Variants in PPM1E observed in about 807,000 individuals in gnomAD.
PPM1E encodes protein phosphatase, Mg2+/Mn2+ dependent 1E.
Under a neutral mutation model 65.9 loss-of-function variants are expected in PPM1E, and 20 were observed. The ratio of observed to expected loss-of-function variants is 0.30; its 90% confidence interval spans 0.21 to 0.44. The LOEUF (loss-of-function observed/expected upper bound fraction) is 0.44, where lower values mean the gene tolerates loss of function less well. Ranked by LOEUF, PPM1E falls within the 20% of genes least tolerant of loss-of-function variation. The pLI, the probability that PPM1E is intolerant of heterozygous loss-of-function variation, is 1.00. For synonymous variants in PPM1E, 352 were observed against 374.9 expected (o/e 0.94, Z 0.70); for missense variants, 713 against 953.1 (o/e 0.75, Z 3.32).
chr17:58,794,510 C>T (rs2050187419), intron 1 of PPM1E, among the ~76,000 whole-genome samples: 1 of 152,144 alleles, frequency 6.6e-6, no homozygotes, highest in Admixed American at 6.6e-5. Flanking sequence ...TTTCATCACT[C>T]AGGTAATAAG....
Position 58,969,710 on chromosome 17 carries a change from C to T in PPM1E, c.955C>T (p.Gln319Ter). 1 of 1,614,118 alleles carries T rather than the reference C, an allele frequency of 6.2e-7. No individual in the cohort carries two copies. Among genetic ancestry groups the T allele is most frequent in the Non-Finnish European group, 8.5e-7 (1 of 1,179,990 alleles). The change falls in exon 4 of 7, where the codon CAG becomes TAG. Residue 319 changes from glutamine (Q) to a stop codon, truncating the protein, a stop_gained. Coordinates refer to ENST00000308249, the MANE Select transcript of PPM1E (RefSeq NM_014906.5). LOFTEE classifies it high-confidence loss of function. ...AFRVTDERFVQKAARESLRCG... is the reference protein window; with the variant it reads ...AFRVTDERFV The stretch of plus-strand genomic sequence containing the variant: ...CCGGGTCACTGATGAGCGGTTTGTG[C>T]AGAAAGCAGCCAGGGAGGTATGCCC...
At chr17:58,774,159 T>TC (rs71367625) in intron 1 of PPM1E, among the ~76,000 whole-genome samples, 26,091 of 133,580 alleles carry the variant, frequency 0.2, 2,337 homozygotes, top group Non-Finnish European at 0.22. Flanking sequence ...GGAAACTCTG[T>TC]CCCCCCCCCC....
chr17:58,974,817 G>C (rs1212119676), intron 6 of PPM1E, among the ~76,000 whole-genome samples: 1 of 152,092 alleles, frequency 6.6e-6, no homozygotes, highest in Non-Finnish European at 1.5e-5. Context: ...CCACTCTTTG[G>C]GAAGGTGCTA....
chr17:58,945,384 C>T (rs1463958052), intron 1 of PPM1E, among the ~76,000 whole-genome samples: 1 of 152,222 alleles, frequency 6.6e-6, no homozygotes, highest in Non-Finnish European at 1.5e-5. Context: ...CTCAGGTGAT[C>T]GTCCCGCCTT....
chr17:58,847,863 A>G (rs1046430028), intron 1 of PPM1E, among the ~76,000 whole-genome samples: 1 of 152,110 alleles, frequency 6.6e-6, no homozygotes, highest in Non-Finnish European at 1.5e-5. Context: ...ACCTTGGGCT[A>G]TATGGCCATT....
chr17:58,922,240 G>T (rs2051762480), intron 1 of PPM1E, among the ~76,000 whole-genome samples: 1 of 150,404 alleles, frequency 6.6e-6, no homozygotes, highest in Non-Finnish European at 1.5e-5. Context: ...TAGTAGTAAT[G>T]AATTAAAGGA....
At chr17:58,800,216 CATTA>C (rs1478051796) in intron 1 of PPM1E, among the ~76,000 whole-genome samples, 1 of 151,888 alleles carries the variant, frequency 6.6e-6, no homozygotes, top group Non-Finnish European at 1.5e-5. Context: ...GTGGTCATTA[CATTA>C]ATTGTTTTTT....
chr17:58,760,241 A>T (rs2049808904), intron 1 of PPM1E, among the ~76,000 whole-genome samples: 1 of 152,182 alleles, frequency 6.6e-6, no homozygotes, highest in African/African-American at 2.4e-5. Context: ...TAGTTATGCT[A>T]AAGGCTCCCA....
rs778690965 is a variant in PPM1E, at chr17:58,980,285, T to G, written c.1522T>G (p.Phe508Val). 1.9e-6 allele frequency: 3 copies of G among 1,614,164 alleles called. No homozygotes were observed. Among genetic ancestry groups the G allele is most frequent in the South Asian group, 1.1e-5 (1 of 91,086 alleles). The stretch of plus-strand genomic sequence containing the variant: ...GGAATCAGATTGGACAGAGAACTCT[T>G]TTCAAGGAGGGCAAGAAGATGGTGG... ...SEESDWTENS[F>V]QGGQEDGGDD... is the part of the protein sequence containing the mutation. The change falls in exon 7 of 7, where the codon TTT becomes GTT. Residue 508 changes from phenylalanine to valine, a missense_variant. Transcript: ENST00000308249. The surrounding 1 kb of genome is among the most constrained non-coding windows in gnomAD (Gnocchi z 4.7).
chr17:58,890,993 G>A (rs541236844), intron 1 of PPM1E, among the ~76,000 whole-genome samples: 17 of 151,116 alleles, frequency 1.1e-4, no homozygotes, highest in South Asian at 6.2e-4. Flanking sequence ...TTTTTGAGAC[G>A]GAATTTTGCT....
chr17:58,973,552 C>T (rs780803359), intron 6 of PPM1E, among the ~76,000 whole-genome samples: 22 of 151,374 alleles, frequency 1.5e-4, no homozygotes, highest in East Asian at 3.9e-4. Context: ...CAGTGGCTCA[C>T]GCCTGTAATC....
intron 1 of PPM1E, among the ~76,000 whole-genome samples, chr17:58,770,603 C>A (rs1429464454): frequency 6.6e-6 from 1 of 152,036 alleles, no homozygotes; most frequent in African/African-American, 2.4e-5. Context: ...AGATTGAGAC[C>A]TTACAAATGA....
Position 58,845,851 on chromosome 17 carries a change from T to C in PPM1E, c.464+89390T>C, listed in dbSNP as rs190974431. Among the ~76,000 whole-genome samples the C allele has an allele frequency of 3.9e-3, 599 of 152,260 alleles. 5 individuals are homozygous for C. Among genetic ancestry groups the C allele is most frequent in the Non-Finnish European group, 5.6e-3 (378 of 68,014 alleles). On this transcript the variant is annotated intron_variant, in intron 1 of 6. Coordinates refer to ENST00000308249, the MANE Select transcript of PPM1E (RefSeq NM_014906.5). The stretch of plus-strand genomic sequence containing the variant: ...GTGCGCCATCACACCCAGCTAATTT[T>C]TGTATTTTTAGTAGAGATGGAGTGT...
intron 1 of PPM1E, among the ~76,000 whole-genome samples, chr17:58,883,438 A>AAG (rs2051226533): frequency 6.7e-6 from 1 of 149,492 alleles, no homozygotes; most frequent in African/African-American, 2.5e-5. Context: ...CTATTTTCCA[A>AAG]ATACAGGCTT....
At position 58,769,994 on chromosome 17, in the gene PPM1E, TC is replaced by T. The variant is rs199589095; in HGVS notation, c.464+13535del. 2.3e-3 allele frequency among the ~76,000 whole-genome samples: 345 copies of T among 152,148 alleles called. 15 individuals are homozygous for T. In the East Asian group the frequency reaches 0.055, roughly 24 times the overall value. On this transcript the variant is annotated intron_variant, in intron 1 of 6. Transcript: ENST00000308249. ...GTGAACTGAGATTGTGCCACTGCAT[TC>T]CAGCCTGGGTGACAGAGCAAAACTC...
intron 1 of PPM1E, among the ~76,000 whole-genome samples, chr17:58,925,793 G>A (rs2051816911): frequency 6.6e-6 from 1 of 151,944 alleles, no homozygotes; most frequent in South Asian, 2.1e-4. Context: ...TGTCAGATGG[G>A]TACATTGCAA....
intron 1 of PPM1E, among the ~76,000 whole-genome samples, chr17:58,938,416 GTC>G (rs10541417): frequency 0.38 from 56,936 of 151,744 alleles, 10,869 homozygotes; most frequent in Middle Eastern, 0.51. Flanking sequence ...GAAGTTTTAG[GTC>G]TCTCTCGTGT....
At chr17:58,963,153 G>C (rs1430565294) in intron 2 of PPM1E, among the ~76,000 whole-genome samples, 1 of 152,096 alleles carries the variant, frequency 6.6e-6, no homozygotes, top group African/African-American at 2.4e-5. Flanking sequence ...GGGAGGCCGA[G>C]GTGGGTGGAT....
intron 1 of PPM1E, among the ~76,000 whole-genome samples, chr17:58,862,611 G>T (rs1333523719): frequency 6.6e-6 from 1 of 152,180 alleles, no homozygotes; most frequent in Non-Finnish European, 1.5e-5. Context: ...GGGGCTTTCA[G>T]GTAGAGGAAA....
Sources: allele counts gnomAD v4.1 joint callset (sites outside exome capture counted in the v4.1 genomes callset), GRCh38; gene constraint gnomAD v4.1.1; non-coding constraint Gnocchi (gnomAD v3.1); transcripts MANE v1.5; gene names NCBI Gene and HGNC (gene_info 2026-07-23, HGNC 2026-07-21).